Variants in TPD52 observed in about 807,000 individuals in gnomAD.
The protein encoded by TPD52 is tumor protein D52, also known as prostate and colon associated protein.
A neutral mutation model predicts 31.3 loss-of-function variants in TPD52; 17 were observed. That is an observed-to-expected ratio of 0.54 (90% CI 0.37 to 0.82). TPD52 has a LOEUF of 0.82. TPD52 is among the 40% of genes least tolerant of loss of function. The pLI is 0.00. For missense variants in TPD52, 212 were observed against 240.1 expected (o/e 0.88, Z 0.77); for synonymous variants, 83 against 89.6 (o/e 0.93, Z 0.42).
At chr8:80,073,943 T>C (rs1814223901) in intron 1 of TPD52, among the ~76,000 whole-genome samples, 1 of 152,056 alleles carries the variant, frequency 6.6e-6, no homozygotes, top group South Asian at 2.1e-4. Context: ...GGGACAAAAA[T>C]GATATCACAG....
intron 1 of TPD52, chr8:80,119,745 C>G (rs901904028): frequency 4.0e-5 from 12 of 301,934 alleles, no homozygotes; most frequent in Non-Finnish European, 7.1e-5. Context: ...TAAGAATAAA[C>G]AAAACATTTG....
intron 1 of TPD52, among the ~76,000 whole-genome samples, chr8:80,065,176 A>G (rs552031834): frequency 6.8e-6 from 1 of 147,234 alleles, no homozygotes; most frequent in Non-Finnish European, 1.5e-5. Flanking sequence ...AGGTAGAGAC[A>G]GGGTGTCGCT....
intron 6 of TPD52, among the ~76,000 whole-genome samples, chr8:80,043,886 C>T (rs1810597457): frequency 1.3e-5 from 2 of 152,148 alleles, no homozygotes; most frequent in Admixed American, 1.3e-4. Context: ...GGTTTGTTAA[C>T]AAGTAGTGCT....
chr8:80,143,532 T>C (rs896477154), intron 1 of TPD52, among the ~76,000 whole-genome samples: 1 of 152,028 alleles, frequency 6.6e-6, no homozygotes, highest in Non-Finnish European at 1.5e-5. Flanking sequence ...CCACCCTATA[T>C]ATTAATAGCT....
intron 1 of TPD52, among the ~76,000 whole-genome samples, chr8:80,164,042 G>C (rs1284576262): frequency 6.9e-6 from 1 of 145,342 alleles, no homozygotes; most frequent in East Asian, 2.0e-4. Flanking sequence ...GAGAGAGAGA[G>C]AGAGAGAGAG....
intron 2 of TPD52, among the ~76,000 whole-genome samples, chr8:80,063,809 A>T (rs1253273198): frequency 6.6e-6 from 1 of 151,092 alleles, no homozygotes; most frequent in Non-Finnish European, 1.5e-5. Flanking sequence ...AAAATAAAAT[A>T]TAATAAAATG....
At chr8:80,068,006 G>T (rs1813351723) in intron 1 of TPD52, among the ~76,000 whole-genome samples, 1 of 151,590 alleles carries the variant, frequency 6.6e-6, no homozygotes, top group South Asian at 2.1e-4. Flanking sequence ...ACATTTAAAA[G>T]TATAGATTAT....
intron 1 of TPD52, among the ~76,000 whole-genome samples, chr8:80,164,639 C>T (rs12541643): frequency 0.61 from 92,460 of 151,920 alleles, 29,787 homozygotes; most frequent in African/African-American, 0.83. Flanking sequence ...ATCCCAGCAG[C>T]TTGGGACGCC....
At chr8:80,043,455 T>TC (rs1169070966) in intron 6 of TPD52, among the ~76,000 whole-genome samples, 1 of 152,098 alleles carries the variant, frequency 6.6e-6, no homozygotes, top group Non-Finnish European at 1.5e-5. Flanking sequence ...GTTTCTTCCT[T>TC]CCCACGGTGG....
chr8:80,133,781 A>C (rs2131097778), intron 1 of TPD52, among the ~76,000 whole-genome samples: 1 of 151,890 alleles, frequency 6.6e-6, no homozygotes, highest in East Asian at 1.9e-4. Context: ...AAAAAAAAAA[A>C]ACAGAAAAGA....
At chr8:80,042,233 G>A in intron 7 of TPD52, 1 of 985,376 alleles carries the variant, frequency 1.0e-6, no homozygotes, top group Non-Finnish European at 1.2e-6. Context: ...ATCACTGTCT[G>A]AGTGGTAGGA....
At chr8:80,082,870 T>C (rs953409095) in intron 1 of TPD52, among the ~76,000 whole-genome samples, 3 of 152,234 alleles carry the variant, frequency 2.0e-5, no homozygotes, top group African/African-American at 7.2e-5. Context: ...AATGTGAGCA[T>C]TTCAAATTTA....
intron 2 of TPD52, among the ~76,000 whole-genome samples, chr8:80,057,111 T>G (rs927677008): frequency 6.6e-6 from 1 of 152,160 alleles, no homozygotes; most frequent in African/African-American, 2.4e-5. Flanking sequence ...GAGGTTGCAG[T>G]GAGCTGAGAT....
intron 1 of TPD52, among the ~76,000 whole-genome samples, chr8:80,074,077 A>G (rs1814240221): frequency 6.6e-6 from 1 of 152,248 alleles, no homozygotes; most frequent in Admixed American, 6.5e-5. Flanking sequence ...AGAATCTGTT[A>G]ACATATATTT....
chr8:80,154,706 TACACACACACACACACACAC>T (rs36076685), intron 1 of TPD52, among the ~76,000 whole-genome samples: 2 of 77,706 alleles, frequency 2.6e-5, no homozygotes, highest in Admixed American at 1.2e-4. Context: ...AATCATGACA[TACACACACACACACACACAC>T]ACACACACAC....
chr8:80,086,798 C>T (rs1053905611), intron 1 of TPD52, among the ~76,000 whole-genome samples: 4 of 134,142 alleles, frequency 3.0e-5, no homozygotes, highest in Admixed American at 1.8e-4. Flanking sequence ...TGCTTGAACC[C>T]GGGAAGCGGA....
chr8:80,045,682 A>G (rs372553756), intron 5 of TPD52, among the ~76,000 whole-genome samples: 38 of 152,196 alleles, frequency 2.5e-4, no homozygotes, highest in African/African-American at 8.7e-4. Flanking sequence ...GAAGAGGAAT[A>G]GGTTTCTTGG....
chr8:80,080,055 T>C (rs941279082), intron 1 of TPD52, among the ~76,000 whole-genome samples: 1 of 152,222 alleles, frequency 6.6e-6, no homozygotes, highest in African/African-American at 2.4e-5. Flanking sequence ...AAAGTGAGCT[T>C]GGAATATCTA....
At chr8:80,087,564 TG>T (rs1484743394) in intron 1 of TPD52, among the ~76,000 whole-genome samples, 1 of 152,224 alleles carries the variant, frequency 6.6e-6, no homozygotes, top group East Asian at 1.9e-4. Context: ...AGAAAGTGTG[TG>T]GCAACCACCT....
Sources: allele counts gnomAD v4.1 joint callset (sites outside exome capture counted in the v4.1 genomes callset), GRCh38; gene constraint gnomAD v4.1.1; transcripts MANE v1.5; gene names NCBI Gene and HGNC (gene_info 2026-07-23, HGNC 2026-07-21).